Variants in TENM1 observed in about 807,000 individuals in gnomAD.
TENM1 encodes the protein teneurin transmembrane protein 1, also known as teneurin-1.
In TENM1, 35 loss-of-function variants were observed where a neutral mutation model predicts 174.8. That is an observed-to-expected ratio of 0.20 (90% confidence interval 0.15 to 0.27). The LOEUF is 0.27. Ranked by LOEUF, TENM1 falls within the 10% of genes least tolerant of loss-of-function variation. The probability of loss-of-function intolerance (pLI) is 1.00; values close to 1 mark genes in which losing one functional copy is unlikely to be tolerated. For synonymous variants in TENM1, 781 were observed against 798.7 expected (o/e 0.98, Z 0.37); for missense variants, 1,633 against 2,130.1 (o/e 0.77, Z 4.59).
chrX:124,463,148 G>A (rs1410879462), intron 22 of TENM1, among the ~76,000 whole-genome samples: 4 of 111,795 alleles, frequency 3.6e-5, no homozygotes, highest in Non-Finnish European at 5.6e-5. Flanking sequence ...GATCTCTTCC[G>A]ACCTTACCAT....
the TENM1 span, among the ~76,000 whole-genome samples, chrX:125,202,254 G>A: frequency 1.8e-5 from 2 of 111,863 alleles, no homozygotes; most frequent in Non-Finnish European, 3.8e-5. Context: ...TACCTGGCTT[G>A]TTAATTATAA....
At chrX:124,979,411 A>G in the TENM1 span, among the ~76,000 whole-genome samples, 1 of 111,893 alleles carries the variant, frequency 8.9e-6, no homozygotes, top group East Asian at 2.8e-4. Flanking sequence ...ATTTTATAGA[A>G]GTGCTATACA....
At chrX:124,716,443 A>G (rs1194276758) in intron 4 of TENM1, among the ~76,000 whole-genome samples, 3 of 111,930 alleles carry the variant, frequency 2.7e-5, no homozygotes, top group African/African-American at 9.8e-5. Flanking sequence ...CATGATCCCC[A>G]ATCTCCTTCC....
chrX:125,189,932 T>C, the TENM1 span, among the ~76,000 whole-genome samples: 1 of 112,187 alleles, frequency 8.9e-6, no homozygotes, highest in African/African-American at 3.2e-5. Flanking sequence ...ATACCTATAT[T>C]AATGCTATTT....
chrX:125,102,027 T>C, the TENM1 span, among the ~76,000 whole-genome samples: 1 of 111,708 alleles, frequency 9.0e-6, no homozygotes, highest in Non-Finnish European at 1.9e-5. Flanking sequence ...CACCATACAG[T>C]GCAATGAAGA....
the TENM1 span, among the ~76,000 whole-genome samples, chrX:125,051,859 T>C: frequency 9.6e-6 from 1 of 104,527 alleles, no homozygotes; most frequent in Non-Finnish European, 2.0e-5. Flanking sequence ...CTAATTAAAC[T>C]AAAGAGCTTC....
chrX:124,501,866 A>T (rs969447576), intron 19 of TENM1, among the ~76,000 whole-genome samples: 5 of 112,015 alleles, frequency 4.5e-5, no homozygotes, highest in Non-Finnish European at 7.5e-5. Context: ...AGGCAGCAGC[A>T]GAGCTGGCTT....
chrX:124,456,381 ATATTT>A (rs1268779872), intron 22 of TENM1, among the ~76,000 whole-genome samples: 3 of 112,039 alleles, frequency 2.7e-5, no homozygotes, highest in Non-Finnish European at 5.6e-5. Context: ...TGTACCGAGC[ATATTT>A]TATATGTACA....
At chrX:124,509,669 C>T in intron 18 of TENM1, among the ~76,000 whole-genome samples, 1 of 106,956 alleles carries the variant, frequency 9.3e-6, no homozygotes, top group South Asian at 4.2e-4. Flanking sequence ...GATAATTTTT[C>T]ATGTGAGAGA....
chrX:124,961,906 A>T (rs1278420585), intron 1 of TENM1, among the ~76,000 whole-genome samples: 1 of 111,945 alleles, frequency 8.9e-6, no homozygotes, highest in African/African-American at 3.3e-5. Flanking sequence ...AACAAAAAAC[A>T]GTCTAGGTGA....
chrX:124,565,251 C>A, intron 12 of TENM1, 124 bp downstream of exon 15: 2 of 426,085 alleles, frequency 4.7e-6, no homozygotes, highest in Non-Finnish European at 7.5e-6. Context: ...AACTTGTAAC[C>A]AACCCTCCTT....
At chrX:124,948,949 T>TTTTG (rs2058442419) in intron 1 of TENM1, among the ~76,000 whole-genome samples, 1 of 112,156 alleles carries the variant, frequency 8.9e-6, no homozygotes, top group Admixed American at 9.5e-5. Flanking sequence ...GGACTAAGAA[T>TTTTG]TTTGTTAAAC....
intron 11 of TENM1, among the ~76,000 whole-genome samples, chrX:124,585,547 G>A (rs1398243306): frequency 9.0e-6 from 1 of 110,715 alleles, no homozygotes; most frequent in East Asian, 2.8e-4. Context: ...GTGTGTAGAT[G>A]GAAATTTATA....
the TENM1 span, among the ~76,000 whole-genome samples, chrX:125,062,146 T>A: frequency 7.7e-4 from 86 of 111,832 alleles, no homozygotes; most frequent in African/African-American, 2.7e-3. Context: ...AATGATTGTT[T>A]AAAAATGAAA....
chrX:124,726,888 C>A (rs2053453163), intron 4 of TENM1, among the ~76,000 whole-genome samples: 1 of 112,119 alleles, frequency 8.9e-6, no homozygotes, highest in Non-Finnish European at 1.9e-5. Context: ...ATGAGTATTT[C>A]CTCCAAATGA....
At chrX:125,011,358 T>A in the TENM1 span, among the ~76,000 whole-genome samples, 43 of 111,963 alleles carry the variant, frequency 3.8e-4, 1 homozygote, top group Non-Finnish European at 7.1e-4. Flanking sequence ...AGAGAGCTTC[T>A]GCACAGCAAA....
chrX:125,015,350 T>G, the TENM1 span, among the ~76,000 whole-genome samples: 2 of 111,847 alleles, frequency 1.8e-5, no homozygotes, highest in African/African-American at 6.5e-5. Context: ...GGATGACACT[T>G]CTTGAAGGAT....
chrX:124,869,686 C>A (rs2057072884), intron 3 of TENM1, among the ~76,000 whole-genome samples: 1 of 111,043 alleles, frequency 9.0e-6, no homozygotes, highest in Admixed American at 9.6e-5. Flanking sequence ...ATGGATGGAA[C>A]TGGAGATCAT....
the TENM1 span, among the ~76,000 whole-genome samples, chrX:125,115,261 A>G: frequency 8.9e-6 from 1 of 111,860 alleles, no homozygotes; most frequent in African/African-American, 3.3e-5. Flanking sequence ...AGAGCTATTT[A>G]TAACAAACTC....
Sources: allele counts gnomAD v4.1 joint callset (sites outside exome capture counted in the v4.1 genomes callset), GRCh38; gene constraint gnomAD v4.1.1; transcripts MANE v1.5; gene names NCBI Gene and HGNC (gene_info 2026-07-23, HGNC 2026-07-21).